Variants in USP14 observed in about 807,000 individuals in gnomAD.
The protein encoded by USP14 is ubiquitin carboxyl-terminal hydrolase 14.
Under a neutral mutation model 76.5 loss-of-function variants are expected in USP14, and 38 were observed. The ratio of observed to expected loss-of-function variants is 0.50; its 90% CI spans 0.38 to 0.65. The LOEUF is 0.65. Ranked by LOEUF, USP14 falls within the 30% of genes least tolerant of loss-of-function variation. The pLI is 0.00. For synonymous variants in USP14, 192 were observed against 191.7 expected (o/e 1.00, Z -0.01); for missense variants, 467 against 586.5 (o/e 0.80, Z 2.10).
rs1343779862 is a variant in USP14 at position 171,031 on chromosome 18, T to A, written c.195+4212T>A. 2.4e-3 allele frequency among the ~76,000 whole-genome samples: 160 copies of A among 66,696 alleles called. 1 individual carries two copies. The highest frequency in any genetic ancestry group is 9.9e-3 in the African/African-American group (148 of 14,936). The allele number at this position is 66,696 out of a possible 152,430, so 43.8% of individuals were successfully genotyped here. ...ACTTAAAAAAAAAAAAAAAAATATA[T>A]ATATATATATATATATATATATATA... On this transcript the variant is annotated intron_variant, in intron 3 of 15. Coordinates refer to ENST00000261601, the MANE Select transcript of USP14 (RefSeq NM_005151.4).
At chr18:178,902 A>G in intron 3 of USP14, 31 bp from the exon 4 acceptor site, 1 of 1,546,252 alleles carries the variant, frequency 6.5e-7, no homozygotes, top group Non-Finnish European at 8.8e-7. Flanking sequence ...ACTTTTAAGG[A>G]TTTTCATGAA....
intron 3 of USP14, among the ~76,000 whole-genome samples, chr18:172,982 T>G (rs1027386188): frequency 6.6e-6 from 1 of 152,220 alleles, no homozygotes; most frequent in African/African-American, 2.4e-5. Context: ...GTTGATCACA[T>G]TTTTTAGTGA....
chr18:173,347 G>A (rs973229200), intron 3 of USP14, among the ~76,000 whole-genome samples: 14 of 151,360 alleles, frequency 9.2e-5, no homozygotes, highest in South Asian at 8.3e-4. Flanking sequence ...TCCTGACCTC[G>A]TGATCAGCCC....
intron 3 of USP14, among the ~76,000 whole-genome samples, chr18:174,137 A>C (rs1406430015): frequency 2.6e-5 from 4 of 152,194 alleles, no homozygotes; most frequent in Non-Finnish European, 5.9e-5. Flanking sequence ...TCTGTATGTC[A>C]GTCTGGGACA....
chr18:171,382 C>G (rs1396912307), intron 3 of USP14, among the ~76,000 whole-genome samples: 2 of 152,084 alleles, frequency 1.3e-5, no homozygotes, highest in Admixed American at 6.6e-5. Context: ...TGCTCGTTTA[C>G]CATTCCAAAA....
intron 9 of USP14, among the ~76,000 whole-genome samples, chr18:198,817 A>G (rs1365193258): frequency 1.3e-5 from 2 of 152,174 alleles, no homozygotes; most frequent in African/African-American, 2.4e-5. Flanking sequence ...GTGTGTATCA[A>G]CTATACATGA....
intron 13 of USP14, among the ~76,000 whole-genome samples, chr18:204,939 A>G (rs888227112): frequency 2.0e-5 from 3 of 148,922 alleles, no homozygotes; most frequent in African/African-American, 7.5e-5. Context: ...TTCCTTTGTC[A>G]CTCAGGCTCA....
At chr18:170,602 T>G (rs1276559431) in intron 3 of USP14, among the ~76,000 whole-genome samples, 1 of 152,170 alleles carries the variant, frequency 6.6e-6, no homozygotes, top group Admixed American at 6.5e-5. Flanking sequence ...ATTGCTGATA[T>G]GGAGTAAGTT....
In USP14 at chr18:196,648, T is replaced by A; in HGVS notation, c.475T>A (p.Leu159Met). 6.2e-7 allele frequency: 1 copy of A among 1,613,828 alleles called. No individual in the cohort carries two copies. Among genetic ancestry groups the A allele is most frequent in the Middle Eastern group, 1.7e-4 (1 of 6,060 alleles). ...AQYITAALRDLFDSMDKTSSS... is the reference protein window; with the variant it reads ...AQYITAALRDMFDSMDKTSSS... ...GCTTTGTCTTTAAGCCCTTAGAGAT[T>A]TGTTTGATTCCATGGATAAAACTTC... Residue 159 changes from leucine (L) to methionine (M), a missense_variant, in exon 7 of 16, where the codon TTG becomes ATG. Leu to Met is a conservative substitution (Grantham distance 15). Coordinates refer to ENST00000261601, the MANE Select transcript of USP14 (RefSeq NM_005151.4).
chr18:210,123 TGCTTTTCAAACA>T, intron 14 of USP14, 92 bp downstream of exon 14: 1 of 1,073,940 alleles, frequency 9.3e-7, no homozygotes, highest in Non-Finnish European at 1.4e-6. Context: ...TATTCTGATG[TGCTTTTCAAACA>T]AAATGTCAGG....
chr18:206,886 G>A (rs969694474), intron 13 of USP14, among the ~76,000 whole-genome samples: 9 of 152,290 alleles, frequency 5.9e-5, no homozygotes, highest in Admixed American at 5.9e-4. Flanking sequence ...GGGCAACATT[G>A]CCCAGTCCAT....
intron 5 of USP14, among the ~76,000 whole-genome samples, chr18:183,634 T>C (rs1909846337): frequency 1.3e-5 from 2 of 152,158 alleles, no homozygotes; most frequent in African/African-American, 2.4e-5. Flanking sequence ...CTACTTTGTT[T>C]CACTGCTTAC....
Position 158,621 on chromosome 18 carries a change from C to T in USP14, c.-78C>T. ...GCCTCCGCCTCGGCCGCCGCCGCAG[C>T]TGCTCCTGGTCCCCGTCCCTTTGCC... On this transcript the variant is annotated 5_prime_UTR_variant, in exon 1 of 16. Transcript: ENST00000261601. 1 of 1,468,450 alleles carries T rather than the reference C, an allele frequency of 6.8e-7. No individual in the cohort carries two copies. Among genetic ancestry groups the T allele is most frequent in the Middle Eastern group, 1.7e-4 (1 of 5,796 alleles). The allele number at this position is 1,468,450 out of a possible 1,614,324, so 91.0% of individuals were successfully genotyped here. A position where few individuals can be genotyped will look rare whatever the true frequency, so the allele number is the denominator to read the frequency against.
chr18:191,764 A>G (rs1210635978), intron 5 of USP14, among the ~76,000 whole-genome samples: 1 of 152,214 alleles, frequency 6.6e-6, no homozygotes, highest in East Asian at 1.9e-4. Flanking sequence ...ATTGCTCCAC[A>G]ATCTTGCCGA....
chr18:204,776 C>T, intron 13 of USP14, 84 bp downstream of exon 13: 6 of 1,502,904 alleles, frequency 4.0e-6, no homozygotes, highest in Non-Finnish European at 5.4e-6. Context: ...TTTTTTCCTG[C>T]TTCATTTTTC....
chr18:180,169 A>G (rs530264675), intron 4 of USP14, 67 bp from the exon 5 acceptor site: 12 of 807,516 alleles, frequency 1.5e-5, no homozygotes, highest in Middle Eastern at 4.9e-4. Context: ...AGTGATTTAT[A>G]TATGCCATGT....
rs568598587 is a variant in USP14, at chr18:214,426, G to A, written c.*3142G>A. On this transcript the variant is annotated 3_prime_UTR_variant, in exon 16 of 16. Transcript: ENST00000261601. ...TATTTTGTGATCTTGAGGTCACTTC[G>A]TTTAGGTCATTATCTCAACCCAACC... 3.7e-4 allele frequency: 196 copies of A among 524,416 alleles called. 3 individuals carry two copies. Among genetic ancestry groups the A allele is most frequent in the South Asian group, 2.7e-3 (89 of 33,466 alleles). The allele number at this position is 524,416 out of a possible 1,614,324, so 32.5% of individuals were successfully genotyped here. A position where few individuals can be genotyped will look rare whatever the true frequency, so the allele number is the denominator to read the frequency against.
chr18:189,105 G>GT (rs1009675144), intron 5 of USP14, among the ~76,000 whole-genome samples: 234 of 147,684 alleles, frequency 1.6e-3, no homozygotes, highest in East Asian at 2.6e-3. Flanking sequence ...GACCTGTATG[G>GT]TTTTTTTTTT....
intron 6 of USP14, among the ~76,000 whole-genome samples, chr18:194,152 T>C (rs1051403505): frequency 1.3e-5 from 2 of 152,244 alleles, no homozygotes; most frequent in African/African-American, 2.4e-5. Flanking sequence ...ATCTCATTGT[T>C]GTCAACCATT....
Sources: gnomAD v4.1 joint callset for allele counts (sites outside exome capture counted in the v4.1 genomes callset) on GRCh38, gnomAD v4.1.1 for gene constraint, MANE v1.5 for transcripts, NCBI Gene and HGNC (gene_info 2026-07-23, HGNC 2026-07-21) for gene names.